The following PBX3 variants were observed in gnomAD, a reference collection of about 807,000 sequenced individuals.
PBX3 encodes PBX homeobox 3.
A neutral mutation model predicts 48.5 loss-of-function variants in PBX3; 14 were observed. The observed-to-expected ratio is 0.29, with a 90% CI of 0.19 to 0.45. The LOEUF is 0.45. Ranked by LOEUF, PBX3 falls within the 20% of genes least tolerant of loss-of-function variation. The pLI is 1.00. For synonymous variants in PBX3, 210 were observed against 200.3 expected (o/e 1.05, Z -0.41); for missense variants, 386 against 546.7 (o/e 0.71, Z 2.93).
intron 2 of PBX3, among the ~76,000 whole-genome samples, chr9:125,750,751 G>T (rs1450608171): frequency 6.6e-6 from 1 of 152,218 alleles, no homozygotes; most frequent in Non-Finnish European, 1.5e-5. Flanking sequence ...CCGACAAAGA[G>T]TAAAGGCGGC....
intron 2 of PBX3, among the ~76,000 whole-genome samples, chr9:125,850,149 A>G (rs1434442728): frequency 2.0e-5 from 3 of 152,054 alleles, no homozygotes; most frequent in Non-Finnish European, 4.4e-5. Context: ...AACCTAGTAG[A>G]TTAATATTAA....
chr9:125,932,491 C>G (rs1197406437), intron 4 of PBX3, among the ~76,000 whole-genome samples: 1 of 152,214 alleles, frequency 6.6e-6, no homozygotes, highest in Non-Finnish European at 1.5e-5. Flanking sequence ...AAATGACTTA[C>G]ATGTTAGAGG....
intron 2 of PBX3, among the ~76,000 whole-genome samples, chr9:125,871,980 T>C (rs1407703270): frequency 6.6e-6 from 1 of 152,190 alleles, no homozygotes; most frequent in Non-Finnish European, 1.5e-5. Flanking sequence ...TGCATCTTTC[T>C]GTGTATATAT....
At chr9:125,820,743 T>C (rs1205673308) in intron 2 of PBX3, among the ~76,000 whole-genome samples, 5 of 152,222 alleles carry the variant, frequency 3.3e-5, no homozygotes, top group Admixed American at 2.6e-4. Flanking sequence ...ATTTCCAAGC[T>C]GCAAGTCTGA....
At chr9:125,787,971 G>T (rs1435030544) in intron 2 of PBX3, among the ~76,000 whole-genome samples, 2 of 152,284 alleles carry the variant, frequency 1.3e-5, no homozygotes, top group South Asian at 4.1e-4. Flanking sequence ...GAACTGTAAG[G>T]CTAGGTTGTT....
chr9:125,780,664 G>A (rs1484923333), intron 2 of PBX3, among the ~76,000 whole-genome samples: 1 of 131,994 alleles, frequency 7.6e-6, no homozygotes, highest in African/African-American at 2.9e-5. Flanking sequence ...CCTCCCTCCC[G>A]GATGGGGCGG....
chr9:125,849,827 A>G (rs1165053215), intron 2 of PBX3, among the ~76,000 whole-genome samples: 3 of 152,012 alleles, frequency 2.0e-5, no homozygotes, highest in South Asian at 4.1e-4. Flanking sequence ...CATTAGATAA[A>G]TGCTTATACT....
intron 2 of PBX3, among the ~76,000 whole-genome samples, chr9:125,901,506 C>T (rs763864021): frequency 8.1e-4 from 123 of 151,712 alleles, no homozygotes; most frequent in Non-Finnish European, 1.6e-3. Context: ...TTCTGCTGAA[C>T]GGCTATATAT....
At chr9:125,810,658 C>A (rs1364368585) in intron 2 of PBX3, among the ~76,000 whole-genome samples, 5 of 152,092 alleles carry the variant, frequency 3.3e-5, no homozygotes, top group Non-Finnish European at 7.4e-5. Flanking sequence ...GAAAATCTTA[C>A]CATTGATTCT....
rs12235954 is a variant in PBX3, at chr9:125,830,783, A to G, written c.274+82160A>G. ...TTTAAAGAAGCTAAGTAACTTGTCC[A>G]CATTCACAGTAAGTGTAGAGCTGCG... On this transcript the variant is annotated intron_variant, in intron 2 of 8. Transcript: ENST00000373489. Among the ~76,000 whole-genome samples, 1,246 of 152,252 alleles carry G rather than the reference A, an allele frequency of 8.2e-3. 42 individuals carry two copies. The East Asian group carries it at 0.11, about 13-fold the overall frequency.
chr9:125,905,895 G>A (rs1841059769), intron 2 of PBX3, among the ~76,000 whole-genome samples: 1 of 151,900 alleles, frequency 6.6e-6, no homozygotes, highest in Non-Finnish European at 1.5e-5. Context: ...ATTGTCCTTT[G>A]CATGTCATGT....
intron 6 of PBX3, 95 bp downstream of exon 6, chr9:125,960,944 C>CTCT: frequency 8.0e-7 from 1 of 1,247,672 alleles, no homozygotes; most frequent in Non-Finnish European, 1.1e-6. Flanking sequence ...ATACTGAGGA[C>CTCT]AGAGTGGACT....
intron 2 of PBX3, among the ~76,000 whole-genome samples, chr9:125,890,322 C>T (rs1840611852): frequency 6.6e-6 from 1 of 152,178 alleles, no homozygotes; most frequent in African/African-American, 2.4e-5. Context: ...GGGAGGTTTT[C>T]CCACGGTAAT....
At chr9:125,778,119 C>A (rs1168733715) in intron 2 of PBX3, among the ~76,000 whole-genome samples, 1 of 151,882 alleles carries the variant, frequency 6.6e-6, no homozygotes, top group Non-Finnish European at 1.5e-5. Flanking sequence ...TACCACCACA[C>A]CTGGCTAATT....
intron 5 of PBX3, among the ~76,000 whole-genome samples, chr9:125,941,239 G>A (rs1841952863): frequency 6.6e-6 from 1 of 152,192 alleles, no homozygotes; most frequent in Non-Finnish European, 1.5e-5. Flanking sequence ...GGAACAGCAA[G>A]TACGGAGGCC....
At position 125,915,828 on chromosome 9, in the gene PBX3, T is replaced by C. The variant is rs1363715170; in HGVS notation, c.417T>C (p.Ser139=). 1 of 1,614,130 alleles carries C rather than the reference T, an allele frequency of 6.2e-7. No homozygotes were observed. Among genetic ancestry groups the C allele is most frequent in the Admixed American group, 1.7e-5 (1 of 60,018 alleles). Residue 139 remains serine, a synonymous_variant, in exon 3 of 9, where the codon TCT becomes TCC. Coordinates refer to ENST00000373489, the MANE Select transcript of PBX3 (RefSeq NM_006195.6). ...CAGCAGCTGCAGCCGCGGCAGCCTC[T>C]GGAGGTTCTTCAGATAACTCTATTG... is the stretch of plus-strand genomic sequence containing the variant. ...SAAAAAAAAA[S]GGSSDNSIEH...
At chr9:125,963,794 T>G (rs1842478678) in intron 8 of PBX3, among the ~76,000 whole-genome samples, 1 of 152,088 alleles carries the variant, frequency 6.6e-6, no homozygotes, top group Admixed American at 6.5e-5. Context: ...GGTAGTAGAC[T>G]CAGGAAGAAA....
intron 5 of PBX3, chr9:125,949,519 C>G (rs919994086): frequency 1.3e-6 from 2 of 1,543,878 alleles, no homozygotes; most frequent in African/African-American, 2.8e-5. Flanking sequence ...TCTGATGGAC[C>G]TATACTGTGT....
intron 3 of PBX3, among the ~76,000 whole-genome samples, chr9:125,926,262 G>A (rs182322683): frequency 1.1e-3 from 167 of 152,358 alleles, no homozygotes; most frequent in Admixed American, 2.0e-3. Context: ...GCTCACGCCT[G>A]TAATCCCAGC....
Sources: allele counts gnomAD v4.1 joint callset (sites outside exome capture counted in the v4.1 genomes callset), GRCh38; gene constraint gnomAD v4.1.1; transcripts MANE v1.5; gene names NCBI Gene and HGNC (gene_info 2026-07-23, HGNC 2026-07-21).